Variants in ABCC1 observed in about 807,000 individuals in gnomAD.
ABCC1 encodes the protein multidrug resistance-associated protein 1.
A neutral mutation model predicts 172.9 loss-of-function variants in ABCC1; 83 were observed. That is an observed-to-expected ratio of 0.48 (90% confidence interval 0.40 to 0.58). The LOEUF is 0.58. ABCC1 is among the 20% of genes least tolerant of loss of function. The pLI is 0.00. For missense variants in ABCC1, 1,817 were observed against 2,002.7 expected, an observed-to-expected ratio of 0.91 and a Z score of 1.77; for synonymous variants, 937 against 825.2, an observed-to-expected ratio of 1.14 and a Z score of -2.32.
chr16:16,106,230 C>T (rs929820003), intron 20 of ABCC1, among the ~76,000 whole-genome samples: 1 of 151,994 alleles, frequency 6.6e-6, no homozygotes, highest in African/African-American at 2.4e-5. Context: ...AGGCAAGATC[C>T]CACCCCAGTG....
chr16:16,125,583 C>T (rs1290146553), intron 25 of ABCC1, among the ~76,000 whole-genome samples: 1 of 151,892 alleles, frequency 6.6e-6, no homozygotes, highest in Non-Finnish European at 1.5e-5. Flanking sequence ...TGTGCGTCAC[C>T]ATGCCTGGCT....
chr16:16,063,713 T>C (rs1291775376), intron 12 of ABCC1, among the ~76,000 whole-genome samples: 1 of 152,184 alleles, frequency 6.6e-6, no homozygotes, highest in East Asian at 1.9e-4. Flanking sequence ...TAACAACGTC[T>C]CTGACTCTCA....
intron 11 of ABCC1, among the ~76,000 whole-genome samples, chr16:16,053,493 A>G (rs1215873223): frequency 6.6e-6 from 1 of 152,030 alleles, no homozygotes; most frequent in Non-Finnish European, 1.5e-5. Flanking sequence ...GATGTTTCTT[A>G]TTATAAAAAA....
intron 1 of ABCC1, among the ~76,000 whole-genome samples, chr16:15,962,200 G>C (rs969098436): frequency 1.3e-5 from 2 of 152,170 alleles, no homozygotes; most frequent in African/African-American, 4.8e-5. Context: ...CAGAGGTCAG[G>C]AGATCAAAGC....
At chr16:16,090,848 G>A (rs920736913) in intron 19 of ABCC1, among the ~76,000 whole-genome samples, 1 of 152,182 alleles carries the variant, frequency 6.6e-6, no homozygotes, top group Non-Finnish European at 1.5e-5. Context: ...TCAGGGCAGG[G>A]TCTAGCGCCT....
intron 11 of ABCC1, among the ~76,000 whole-genome samples, chr16:16,053,719 C>G (rs1208029294): frequency 8.2e-6 from 1 of 122,548 alleles, no homozygotes; most frequent in Non-Finnish European, 1.6e-5. Context: ...CCCAGGAGGT[C>G]GAAGCTGTAG....
At chr16:15,980,075 G>A (rs1276092960) in intron 1 of ABCC1, among the ~76,000 whole-genome samples, 1 of 152,154 alleles carries the variant, frequency 6.6e-6, no homozygotes, top group African/African-American at 2.4e-5. Context: ...AACATCTGAT[G>A]GAGACATAGG....
intron 1 of ABCC1, among the ~76,000 whole-genome samples, chr16:15,960,207 A>G (rs1432738879): frequency 2.6e-5 from 4 of 151,996 alleles, no homozygotes; most frequent in Admixed American, 2.0e-4. Context: ...CACCCTCCCA[A>G]GTAGCTGGGA....
intron 8 of ABCC1, among the ~76,000 whole-genome samples, chr16:16,045,395 CAAAAAAAAAA>C (rs34870561): frequency 1.9e-4 from 12 of 64,704 alleles, no homozygotes; most frequent in African/African-American, 6.6e-4. Context: ...GACTTTGTCT[CAAAAAAAAAA>C]AAAAAAAAAA....
rs117266423 is a variant in ABCC1, at chr16:16,067,303, G to A, written c.1678-853G>A. Among the ~76,000 whole-genome samples the A allele has an allele frequency of 3.7e-3, 566 of 152,252 alleles. 5 individuals are homozygous for A. The highest frequency in any genetic ancestry group is 8.1e-3 in the Admixed American group (124 of 15,286). On this transcript the variant is annotated intron_variant, in intron 12 of 30. Coordinates refer to ENST00000399410, the MANE Select transcript of ABCC1 (RefSeq NM_004996.4). ...GAAAATTTCTGTGCCATGGCTCAGC[G>A]TCATCTGTCTTGTTAATGTCAGAGC... is the stretch of plus-strand genomic sequence containing the variant.
At chr16:16,058,949 C>T (rs2049790947) in intron 12 of ABCC1, among the ~76,000 whole-genome samples, 2 of 152,228 alleles carry the variant, frequency 1.3e-5, no homozygotes, top group African/African-American at 4.8e-5. Context: ...AGCCACAGTG[C>T]TGGCTGTTAG....
chr16:16,043,731 A>G (rs998997841), intron 7 of ABCC1, among the ~76,000 whole-genome samples: 1 of 152,044 alleles, frequency 6.6e-6, no homozygotes, highest in African/African-American at 2.4e-5. Flanking sequence ...CCTCCCAAGT[A>G]GCTGGGATTA....
intron 17 of ABCC1, among the ~76,000 whole-genome samples, chr16:16,084,735 C>T (rs1437577322): frequency 2.6e-5 from 4 of 151,724 alleles, no homozygotes; most frequent in Admixed American, 1.3e-4. Flanking sequence ...ATTCTCCTCC[C>T]TCAGCCTCTT....
chr16:16,104,956 T>C (rs928663711), intron 20 of ABCC1, among the ~76,000 whole-genome samples: 5 of 151,956 alleles, frequency 3.3e-5, no homozygotes, highest in African/African-American at 9.7e-5. Flanking sequence ...CACCCAGAAC[T>C]AGCGCTGGCC....
At chr16:16,075,721 C>G (rs2050533075) in intron 14 of ABCC1, among the ~76,000 whole-genome samples, 1 of 152,192 alleles carries the variant, frequency 6.6e-6, no homozygotes, top group Non-Finnish European at 1.5e-5. Context: ...CTTCCTGTTC[C>G]GTATCCTCTT....
intron 15 of ABCC1, among the ~76,000 whole-genome samples, chr16:16,078,188 A>C (rs1169661262): frequency 6.6e-6 from 1 of 152,054 alleles, no homozygotes; most frequent in African/African-American, 2.4e-5. Flanking sequence ...TAAGTAACTA[A>C]ATACAGATAA....
intron 18 of ABCC1, among the ~76,000 whole-genome samples, chr16:16,087,690 C>T (rs939827599): frequency 2.6e-5 from 4 of 152,162 alleles, no homozygotes; most frequent in African/African-American, 7.2e-5. Flanking sequence ...AACTCCTGAC[C>T]TCAAGTGATC....
At chr16:16,012,728 T>TC (rs562103942) in intron 3 of ABCC1, among the ~76,000 whole-genome samples, 41 of 148,950 alleles carry the variant, frequency 2.8e-4, no homozygotes, top group Middle Eastern at 6.8e-3. Context: ...CGCTCTTTTT[T>TC]CCCAGGCGCA....
chr16:16,122,485 T>C (rs1232119994), intron 24 of ABCC1, among the ~76,000 whole-genome samples: 1 of 151,622 alleles, frequency 6.6e-6, no homozygotes, highest in Non-Finnish European at 1.5e-5. Context: ...ACTCTGCTAT[T>C]GAGTATCTTC....
Sources: gnomAD v4.1 joint callset for allele counts (sites outside exome capture counted in the v4.1 genomes callset) on GRCh38, gnomAD v4.1.1 for gene constraint, MANE v1.5 for transcripts, NCBI Gene and HGNC (gene_info 2026-07-23, HGNC 2026-07-21) for gene names.